TMEM178B: variants seen among roughly 807,000 people sequenced by gnomAD.
TMEM178B encodes transmembrane protein 178B.
Under a neutral mutation model 31.0 loss-of-function variants are expected in TMEM178B, and 5 were observed. The ratio of observed to expected loss-of-function variants is 0.16; its 90% CI spans 0.08 to 0.34. The LOEUF is 0.34. TMEM178B is among the 10% of genes least tolerant of loss of function. The pLI is 1.00. For synonymous variants in TMEM178B, 164 were observed against 164.0 expected (o/e 1.00, Z 0.00); for missense variants, 275 against 400.3 (o/e 0.69, Z 2.67).
At chr7:141,388,126 A>G (rs1800468407) in intron 2 of TMEM178B, among the ~76,000 whole-genome samples, 2 of 152,124 alleles carry the variant, frequency 1.3e-5, no homozygotes, top group African/African-American at 2.4e-5. Flanking sequence ...TTACTCAAAT[A>G]GTATTATTTC....
intron 3 of TMEM178B, among the ~76,000 whole-genome samples, chr7:141,464,897 C>T (rs1802123931): frequency 6.6e-6 from 1 of 152,130 alleles, no homozygotes; most frequent in South Asian, 2.1e-4. Context: ...GCAGCAGAAC[C>T]CAGCTCCCAA....
chr7:141,111,830 T>C (rs1391771961), intron 1 of TMEM178B, among the ~76,000 whole-genome samples: 1 of 152,226 alleles, frequency 6.6e-6, no homozygotes, highest in Admixed American at 6.5e-5. Context: ...CCGTTGTGAA[T>C]TGTGTTTATA....
At chr7:141,096,653 A>G (rs1185915019) in intron 1 of TMEM178B, among the ~76,000 whole-genome samples, 1 of 152,236 alleles carries the variant, frequency 6.6e-6, no homozygotes, top group Non-Finnish European at 1.5e-5. Flanking sequence ...ACTGCACTCT[A>G]TAGTCTCTTC....
intron 1 of TMEM178B, among the ~76,000 whole-genome samples, chr7:141,094,847 A>C (rs558058758): frequency 6.6e-6 from 1 of 152,218 alleles, no homozygotes; most frequent in Non-Finnish European, 1.5e-5. Flanking sequence ...TCATCCTAAA[A>C]ATGCTTCACT....
intron 1 of TMEM178B, among the ~76,000 whole-genome samples, chr7:141,145,352 A>G (rs1179327436): frequency 6.6e-6 from 1 of 152,220 alleles, no homozygotes; most frequent in Non-Finnish European, 1.5e-5. Context: ...CTCAAGGCCC[A>G]GGCGTGGTAG....
At chr7:141,212,903 TAAA>T in intron 2 of TMEM178B, 199 bp downstream of exon 2, 1 of 510,262 alleles carries the variant, frequency 2.0e-6, no homozygotes, top group Non-Finnish European at 3.5e-6. Context: ...AGTTTGCTTC[TAAA>T]ATTAAAGAAA....
intron 2 of TMEM178B, among the ~76,000 whole-genome samples, chr7:141,217,675 T>C (rs976513224): frequency 5.3e-5 from 8 of 152,116 alleles, no homozygotes; most frequent in Non-Finnish European, 2.9e-5. Context: ...AAGTGGGTCT[T>C]CTTTGCCCCT....
chr7:141,125,854 G>A (rs1465075065), intron 1 of TMEM178B, among the ~76,000 whole-genome samples: 1 of 152,190 alleles, frequency 6.6e-6, no homozygotes, highest in African/African-American at 2.4e-5. Flanking sequence ...GGAAGTGCAG[G>A]AAATTAATAA....
chr7:141,268,372 A>G (rs1171084391), intron 2 of TMEM178B, among the ~76,000 whole-genome samples: 1 of 152,236 alleles, frequency 6.6e-6, no homozygotes, highest in African/African-American at 2.4e-5. Flanking sequence ...GCAGTTTACA[A>G]ATGGATAACT....
intron 2 of TMEM178B, among the ~76,000 whole-genome samples, chr7:141,384,598 A>G (rs371568565): frequency 9.2e-4 from 140 of 152,314 alleles, no homozygotes; most frequent in African/African-American, 3.2e-3. Context: ...TACCAGTACC[A>G]TGCTGTTTTG....
intron 1 of TMEM178B, among the ~76,000 whole-genome samples, chr7:141,142,672 G>C (rs903108467): frequency 1.3e-5 from 2 of 152,184 alleles, no homozygotes; most frequent in African/African-American, 4.8e-5. Flanking sequence ...CTCCCAAAGT[G>C]CTGGGATTAC....
At chr7:141,483,822 GCCT>G (rs2116750183), downstream of TMEM178B, among the ~76,000 whole-genome samples, 1 of 150,454 alleles carries the variant, frequency 6.6e-6, no homozygotes, top group African/African-American at 2.4e-5. Flanking sequence ...TGCAAGCTCC[GCCT>G]CCCGAGTTTA....
chr7:141,501,600 T>C, the TMEM178B span, among the ~76,000 whole-genome samples: 8 of 152,318 alleles, frequency 5.3e-5, no homozygotes, highest in East Asian at 5.8e-4. Flanking sequence ...TCAGTAGACT[T>C]TGAGTAAAAC....
chr7:141,179,786 C>T (rs1024383541), intron 1 of TMEM178B, among the ~76,000 whole-genome samples: 3 of 152,150 alleles, frequency 2.0e-5, no homozygotes, highest in Admixed American at 6.5e-5. Flanking sequence ...AGCCCAGGGC[C>T]AGGCTGACCC....
At chr7:141,353,963 C>G (rs1315307564) in intron 2 of TMEM178B, among the ~76,000 whole-genome samples, 1 of 152,216 alleles carries the variant, frequency 6.6e-6, no homozygotes, top group Non-Finnish European at 1.5e-5. Context: ...GTCTCATTCT[C>G]TCTTAGAGTT....
chr7:141,322,483 C>A (rs1335501544), intron 2 of TMEM178B, among the ~76,000 whole-genome samples: 1 of 152,000 alleles, frequency 6.6e-6, no homozygotes, highest in Non-Finnish European at 1.5e-5. Context: ...TGGAGTGACC[C>A]AAGATTGCAC....
At position 141,329,930 on chromosome 7, in the gene TMEM178B, A is replaced by G. The variant is rs78065689; in HGVS notation, c.497-107678A>G. ...AAGTATTCTAATGACAGGTTAACGAACGTGGTGGACACAGAATCAATGGTA... is the reference window on the plus strand; with the variant it reads ...AAGTATTCTAATGACAGGTTAACGAGCGTGGTGGACACAGAATCAATGGTA... On this transcript the variant is annotated intron_variant, in intron 2 of 3. Transcript: ENST00000565468. Among the ~76,000 whole-genome samples, 110 of 152,310 alleles carry G rather than the reference A, an allele frequency of 7.2e-4. 2 individuals carry two copies. In the East Asian group the frequency reaches 0.02, roughly 28 times the overall value.
At chr7:141,077,635 C>T (rs1008538538) in intron 1 of TMEM178B, among the ~76,000 whole-genome samples, 1 of 152,172 alleles carries the variant, frequency 6.6e-6, no homozygotes, top group African/African-American at 2.4e-5. Context: ...CTGTAAGTTC[C>T]TAGAGGTCAG....
chr7:141,400,781 A>G (rs956563507), intron 2 of TMEM178B, among the ~76,000 whole-genome samples: 2 of 152,212 alleles, frequency 1.3e-5, no homozygotes, highest in African/African-American at 4.8e-5. Flanking sequence ...TGAGTAGTAG[A>G]GTGGGGAAGT....
Sources: allele counts gnomAD v4.1 joint callset (sites outside exome capture counted in the v4.1 genomes callset), GRCh38; gene constraint gnomAD v4.1.1; transcripts MANE v1.5; gene names NCBI Gene and HGNC (gene_info 2026-07-23, HGNC 2026-07-21).